The following PCED1B variants were observed in gnomAD, a reference collection of about 807,000 sequenced individuals.
The protein encoded by PCED1B is PC-esterase domain-containing protein 1B.
For missense variants in PCED1B, 573 were observed against 573.9 expected (o/e 1.00, Z 0.02); for synonymous variants, 251 against 246.1 (o/e 1.02, Z -0.19).
At chr12:47,116,534 A>C (rs141716463) in intron 2 of PCED1B, among the ~76,000 whole-genome samples, 2 of 152,358 alleles carry the variant, frequency 1.3e-5, no homozygotes, top group African/African-American at 4.8e-5. Flanking sequence ...TCAGATAAGA[A>C]AATGAGTCTT....
Position 47,235,360 on chromosome 12 carries a change from C to G in PCED1B, c.297C>G (p.Ser99=). Residue 99 remains serine, a synonymous_variant, in exon 4 of 4, where the codon TCC becomes TCG. Transcript: ENST00000546455. ...TTTACTTCCTCACCCGCGTGTACTC[C>G]GATTACCTCCAGACCATCTTGAAAG... ...VRFYFLTRVY[S]DYLQTILKEL... is the part of the protein sequence containing the mutation. 6.2e-7 allele frequency: 1 copy of G among 1,614,130 alleles called. No homozygotes were observed. The highest frequency in any genetic ancestry group is 8.5e-7 in the Non-Finnish European group (1 of 1,180,034).
intron 1 of PCED1B, among the ~76,000 whole-genome samples, chr12:47,098,774 G>A (rs1938583704): frequency 1.3e-5 from 2 of 152,094 alleles, no homozygotes; most frequent in African/African-American, 4.8e-5. Flanking sequence ...GAGCCACCGC[G>A]CCTGGCCATA....
chr12:47,167,138 C>A (rs191302778), intron 2 of PCED1B, among the ~76,000 whole-genome samples: 3 of 152,148 alleles, frequency 2.0e-5, no homozygotes, highest in Non-Finnish European at 4.4e-5. Context: ...AAGGAGATAT[C>A]TTTAAAGATG....
intron 2 of PCED1B, among the ~76,000 whole-genome samples, chr12:47,129,244 A>G (rs1167207719): frequency 6.6e-6 from 1 of 152,180 alleles, no homozygotes; most frequent in African/African-American, 2.4e-5. Flanking sequence ...AGGCTGAGGC[A>G]GGTGGATCTC....
chr12:47,234,605 A>T (rs1275121929), intron 3 of PCED1B, among the ~76,000 whole-genome samples: 1 of 152,196 alleles, frequency 6.6e-6, no homozygotes, highest in African/African-American at 2.4e-5. Context: ...TCATTATCTA[A>T]CAGTGGCATA....
chr12:47,189,339 G>A (rs1942372912), intron 2 of PCED1B, among the ~76,000 whole-genome samples: 1 of 152,162 alleles, frequency 6.6e-6, no homozygotes. Context: ...GGCTTGGTTA[G>A]CAGAAGGCAG....
At chr12:47,155,646 T>C (rs1367820550) in intron 2 of PCED1B, among the ~76,000 whole-genome samples, 3 of 152,198 alleles carry the variant, frequency 2.0e-5, no homozygotes, top group Admixed American at 6.5e-5. Context: ...AGGCAGGAAG[T>C]TGAGCTCCTA....
intron 2 of PCED1B, among the ~76,000 whole-genome samples, chr12:47,191,094 G>C (rs1341446146): frequency 6.6e-6 from 1 of 152,170 alleles, no homozygotes; most frequent in African/African-American, 2.4e-5. Context: ...AAGCAAACAT[G>C]CATGGAGGAA....
chr12:47,152,505 GAATTAGGAGAC>G (rs1316207040), intron 2 of PCED1B, among the ~76,000 whole-genome samples: 14 of 152,212 alleles, frequency 9.2e-5, no homozygotes, highest in Admixed American at 2.6e-4. Context: ...AGATAGAGGA[GAATTAGGAGAC>G]ATGAAAATTA....
intron 2 of PCED1B, among the ~76,000 whole-genome samples, chr12:47,177,554 G>A (rs1941963106): frequency 6.6e-6 from 1 of 152,184 alleles, no homozygotes; most frequent in African/African-American, 2.4e-5. Flanking sequence ...AAGGAGACGG[G>A]AGAGATGATG....
At chr12:47,126,323 A>G (rs899556005) in intron 2 of PCED1B, among the ~76,000 whole-genome samples, 1 of 152,060 alleles carries the variant, frequency 6.6e-6, no homozygotes, top group African/African-American at 2.4e-5. Context: ...ATGGTTTTCT[A>G]TTGTTAAAAC....
Position 47,236,219 on chromosome 12 carries a change from A to C in PCED1B, c.1156A>C (p.Thr386Pro), listed in dbSNP as rs1269610454. 2.5e-6 allele frequency: 4 copies of C among 1,613,928 alleles called. No homozygotes were observed. Among genetic ancestry groups the C allele is most frequent in the Non-Finnish European group, 3.4e-6 (4 of 1,179,996 alleles). The change falls in exon 4 of 4, where the codon ACA becomes CCA. Residue 386 changes from threonine to proline, a missense_variant. Transcript: ENST00000546455. ...GPQLPMPFFP[T>P]PRYQRPAPVV... ...TCAGCTGCCTATGCCCTTCTTCCCC[A>C]CACCCCGTTATCAGCGGCCTGCCCC...
intron 2 of PCED1B, among the ~76,000 whole-genome samples, chr12:47,175,459 G>A (rs1185374882): frequency 6.6e-6 from 1 of 152,062 alleles, no homozygotes; most frequent in Non-Finnish European, 1.5e-5. Context: ...TATCTAGAAT[G>A]TTGTAACAAT....
chr12:47,225,147 G>A (rs1045256703), intron 3 of PCED1B, among the ~76,000 whole-genome samples: 14 of 152,102 alleles, frequency 9.2e-5, no homozygotes, highest in Admixed American at 7.2e-4. Flanking sequence ...GGCCACGTTG[G>A]TCTCGAACTC....
intron 2 of PCED1B, among the ~76,000 whole-genome samples, chr12:47,136,301 CAA>C (rs762294296): frequency 2.0e-4 from 30 of 152,120 alleles, no homozygotes; most frequent in Non-Finnish European, 3.7e-4. Flanking sequence ...GTCCACCTGT[CAA>C]AAGTTTCTAA....
rs545072715 is a variant in PCED1B at position 47,184,791 on chromosome 12, C to T, written c.-525-31431C>T. Reference sequence around the variant, plus strand: ...ATTAGTCCTTTAAATTTAATGAATCCAGATCTATGAAAATTTTATTACCTT... The same window carrying T: ...ATTAGTCCTTTAAATTTAATGAATCTAGATCTATGAAAATTTTATTACCTT... On this transcript the variant is annotated intron_variant, in intron 2 of 3. Transcript: ENST00000546455. Among the ~76,000 whole-genome samples, 5 of 151,948 alleles carry T rather than the reference C, an allele frequency of 3.3e-5. No individual in the cohort carries two copies. The East Asian group carries it at 9.6e-4, about 29-fold the overall frequency.
chr12:47,159,164 G>A lies in PCED1B; in HGVS notation c.-526+54969G>A, dbSNP rs115957665. ...TTATCCACTGATGGACACTTAGGTT[G>A]ATTCCACATTCTTGCTATTGTGAAT... On this transcript the variant is annotated intron_variant, in intron 2 of 3. Coordinates refer to ENST00000546455, the MANE Select transcript of PCED1B (RefSeq NM_138371.3). Among the ~76,000 whole-genome samples the A allele has an allele frequency of 5.1e-3, 783 of 152,254 alleles. 6 individuals carry two copies. Among genetic ancestry groups the A allele is most frequent in the African/African-American group, 0.017 (716 of 41,558 alleles).
At chr12:47,128,935 A>G (rs1940006730) in intron 2 of PCED1B, among the ~76,000 whole-genome samples, 2 of 152,244 alleles carry the variant, frequency 1.3e-5, no homozygotes, top group African/African-American at 4.8e-5. Context: ...GGAAGTGCAG[A>G]AAGCCATCTC....
At chr12:47,091,724 T>G (rs1392534002) in intron 1 of PCED1B, among the ~76,000 whole-genome samples, 1 of 152,182 alleles carries the variant, frequency 6.6e-6, no homozygotes, top group Admixed American at 6.5e-5. Flanking sequence ...GTGTGTAATG[T>G]GAAATAAACA....
Sources: gnomAD v4.1 joint callset for allele counts (sites outside exome capture counted in the v4.1 genomes callset) on GRCh38, gnomAD v4.1.1 for gene constraint, MANE v1.5 for transcripts, NCBI Gene and HGNC (gene_info 2026-07-23, HGNC 2026-07-21) for gene names.